Variants in FAM83B observed in about 807,000 individuals in gnomAD.
The protein encoded by FAM83B is scaffolding CK1 anchoring protein B.
FAM83B carries 26 observed loss-of-function variants against 38.8 expected under a neutral mutation model. That is an observed-to-expected ratio of 0.67 (90% CI 0.49 to 0.93). The LOEUF (loss-of-function observed/expected upper bound fraction) is 0.93, where lower values mean the gene tolerates loss of function less well. Ranked by LOEUF, FAM83B falls within the 40% of genes least tolerant of loss-of-function variation. FAM83B has a pLI of 0.00. For missense variants in FAM83B, 1,237 were observed against 1,197.3 expected (o/e 1.03, Z -0.49); for synonymous variants, 419 against 423.1 (o/e 0.99, Z 0.12).
intron 2 of FAM83B, among the ~76,000 whole-genome samples, chr6:54,895,666 T>C (rs1483955632): frequency 6.6e-6 from 1 of 152,180 alleles, no homozygotes; most frequent in Non-Finnish European, 1.5e-5. Flanking sequence ...GTAATGATTG[T>C]TTTTGTTGAG....
In FAM83B at chr6:54,926,532, C is replaced by T; in HGVS notation, c.606C>T (p.Leu202=). The T allele has an allele frequency of 1.9e-6, 3 of 1,550,544 alleles. No individual in the cohort carries two copies. Among genetic ancestry groups the T allele is most frequent in the Non-Finnish European group, 1.7e-6 (2 of 1,148,024 alleles). Residue 202 remains leucine (L), a synonymous_variant, in exon 3 of 5, where the codon CTC becomes CTT. Transcript: ENST00000306858. ...TEKQGCSVQR[L]RNIRVRTVKG... ...AACAAGGTTGTTCAGTTCAGCGTCTCAGGGTAAGAATTCTGTTTTTTTTTT... is the reference window on the plus strand; with the variant it reads ...AACAAGGTTGTTCAGTTCAGCGTCTTAGGGTAAGAATTCTGTTTTTTTTTT...
intron 2 of FAM83B, among the ~76,000 whole-genome samples, chr6:54,916,000 G>C (rs960567484): frequency 3.3e-5 from 5 of 151,956 alleles, no homozygotes; most frequent in African/African-American, 1.2e-4. Context: ...CTCCACAATT[G>C]ACCAAATTTA....
chr6:54,915,500 C>T (rs1773013537), intron 2 of FAM83B, among the ~76,000 whole-genome samples: 1 of 152,238 alleles, frequency 6.6e-6, no homozygotes, highest in Admixed American at 6.5e-5. Context: ...AACTCCTCTA[C>T]CTACTGGTAG....
chr6:54,909,019 G>A lies in FAM83B; in HGVS notation c.445-17352G>A, dbSNP rs571942609. On this transcript the variant is annotated intron_variant, in intron 2 of 4. Transcript: ENST00000306858. ...ACCTTTTATTGCTGATGTCTTTGGC[G>A]TGTGTCTGTATTAGTGGAAATAATA... 2.9e-4 allele frequency among the ~76,000 whole-genome samples: 44 copies of A among 152,204 alleles called. 1 individual carries two copies. The highest frequency in any genetic ancestry group is 9.4e-4 in the African/African-American group (39 of 41,532).
intron 1 of FAM83B, 142 bp from the exon 2 acceptor site, chr6:54,870,045 C>T: frequency 1.9e-6 from 1 of 530,396 alleles, no homozygotes; most frequent in Non-Finnish European, 3.4e-6. Context: ...CTATTAATGT[C>T]ATTTTGGATA....
intron 2 of FAM83B, among the ~76,000 whole-genome samples, chr6:54,878,895 A>G (rs1017783101): frequency 4.6e-5 from 7 of 152,234 alleles, no homozygotes; most frequent in Non-Finnish European, 1.0e-4. Flanking sequence ...ATGGTATCTT[A>G]GATGGTCAGG....
At chr6:54,932,007 CTT>C (rs377085448) in intron 4 of FAM83B, among the ~76,000 whole-genome samples, 328 of 89,180 alleles carry the variant, frequency 3.7e-3, no homozygotes, top group African/African-American at 0.015. Flanking sequence ...TTACATAAAA[CTT>C]TTTTTTTTTT....
intron 1 of FAM83B, among the ~76,000 whole-genome samples, chr6:54,865,289 C>A (rs1441284465): frequency 6.6e-6 from 1 of 152,134 alleles, no homozygotes. Context: ...GTAGGCAATT[C>A]TTGGCATTCC....
intron 1 of FAM83B, among the ~76,000 whole-genome samples, chr6:54,865,344 T>C (rs1035324054): frequency 6.6e-6 from 1 of 152,184 alleles, no homozygotes; most frequent in Non-Finnish European, 1.5e-5. Context: ...TTTGTGTCTG[T>C]CTCTGTGTCC....
intron 2 of FAM83B, among the ~76,000 whole-genome samples, chr6:54,875,046 G>T (rs898184821): frequency 6.6e-6 from 1 of 152,114 alleles, no homozygotes; most frequent in African/African-American, 2.4e-5. Context: ...AACTAGAATA[G>T]AGACTTTGTC....
chr6:54,877,113 G>A lies in FAM83B; in HGVS notation c.444+6423G>A, dbSNP rs116085486. ...TTTTACACACTCAGATGCCTTCAGGGCTAAGCCACAAAAATAACTGCAAAA... is the reference window on the plus strand; with the variant it reads ...TTTTACACACTCAGATGCCTTCAGGACTAAGCCACAAAAATAACTGCAAAA... On this transcript the variant is annotated intron_variant, in intron 2 of 4. Transcript: ENST00000306858. Among the ~76,000 whole-genome samples the A allele has an allele frequency of 2.4e-3, 366 of 152,224 alleles. 2 individuals carry two copies. The highest frequency in any genetic ancestry group is 8.1e-3 in the African/African-American group (336 of 41,550).
At chr6:54,927,760 C>T in intron 4 of FAM83B, 128 bp downstream of exon 4, 1 of 620,486 alleles carries the variant, frequency 1.6e-6, no homozygotes, top group Non-Finnish European at 2.2e-6. Context: ...AAAAAGAGAA[C>T]ACTTGCATGG....
chr6:54,867,977 G>A (rs559743497), intron 1 of FAM83B, among the ~76,000 whole-genome samples: 3 of 152,232 alleles, frequency 2.0e-5, no homozygotes, highest in South Asian at 2.1e-4. Context: ...CCAGATACTT[G>A]TTCCTTCATT....
intron 1 of FAM83B, among the ~76,000 whole-genome samples, chr6:54,865,400 A>C (rs1238653325): frequency 1.3e-5 from 2 of 152,126 alleles, no homozygotes; most frequent in African/African-American, 4.8e-5. Flanking sequence ...TTGGATTAGG[A>C]TCAGCCATGG....
intron 2 of FAM83B, among the ~76,000 whole-genome samples, chr6:54,923,641 C>T (rs1446630933): frequency 6.6e-6 from 1 of 152,036 alleles, no homozygotes; most frequent in Non-Finnish European, 1.5e-5. Flanking sequence ...TACCCTTTTC[C>T]TCAGATCTCT....
chr6:54,926,198 T>C (rs898382670), intron 2 of FAM83B, among the ~76,000 whole-genome samples, 173 bp from the exon 3 acceptor site: 2 of 152,212 alleles, frequency 1.3e-5, no homozygotes, highest in Non-Finnish European at 2.9e-5. Context: ...GTTATTTGCT[T>C]ATTTTAATAT....
At chr6:54,884,632 T>TCATA (rs1158334250) in intron 2 of FAM83B, among the ~76,000 whole-genome samples, 1 of 152,180 alleles carries the variant, frequency 6.6e-6, no homozygotes, top group African/African-American at 2.4e-5. Context: ...TACTGCTGTG[T>TCATA]CATAACTCAA....
In FAM83B at chr6:54,941,576, T is replaced by TCTCCAGG; in HGVS notation, c.2606_2612dup (p.Pro872SerfsTer5). 1 of 1,613,970 alleles carries TCTCCAGG rather than the reference T, an allele frequency of 6.2e-7. No homozygotes were observed. Among genetic ancestry groups the TCTCCAGG allele is most frequent in the African/African-American group, 1.3e-5 (1 of 75,002 alleles). ...ACCAGATGAAAATAAAAGAACACCTTCTCCAGGTCCAGTTGAAAGCAAGTT... is the reference window on the plus strand; with the variant it reads ...ACCAGATGAAAATAAAAGAACACCTTCTCCAGGCTCCAGGTCCAGTTGAAAGCAAGTT... On this transcript the variant is annotated frameshift_variant, in exon 5 of 5. Coordinates refer to ENST00000306858, the MANE Select transcript of FAM83B (RefSeq NM_001010872.3). LOFTEE classifies it low-confidence loss of function (END_TRUNC).
chr6:54,908,582 T>C (rs1459568650), intron 2 of FAM83B, among the ~76,000 whole-genome samples: 1 of 152,218 alleles, frequency 6.6e-6, no homozygotes, highest in Non-Finnish European at 1.5e-5. Context: ...GCTTTTATAA[T>C]TGAAGTTCTC....
Sources: allele counts gnomAD v4.1 joint callset (sites outside exome capture counted in the v4.1 genomes callset), GRCh38; gene constraint gnomAD v4.1.1; transcripts MANE v1.5; gene names NCBI Gene and HGNC (gene_info 2026-07-23, HGNC 2026-07-21).